TPRG1: variants seen among roughly 807,000 people sequenced by gnomAD.
The protein encoded by TPRG1 is tumor protein p63 regulated 1.
Under a neutral mutation model 29.3 loss-of-function variants are expected in TPRG1, and 29 were observed. The ratio of observed to expected loss-of-function variants is 0.99; its 90% CI spans 0.74 to 1.35. The LOEUF (loss-of-function observed/expected upper bound fraction) is 1.35, where lower values mean the gene tolerates loss of function less well. Among genes scored for constraint, TPRG1 ranks in the 40% most tolerant of loss-of-function variants. The pLI, the probability that TPRG1 is intolerant of heterozygous loss-of-function variation, is 0.00. For synonymous variants in TPRG1, 130 were observed against 116.8 expected, an observed-to-expected ratio of 1.11 and a Z score of -0.73; for missense variants, 327 against 335.0, an observed-to-expected ratio of 0.98 and a Z score of 0.19.
chr3:189,204,943 T>TCACACACACA (rs1203053094), intron 1 of TPRG1, among the ~76,000 whole-genome samples: 1 of 94,270 alleles, frequency 1.1e-5, no homozygotes, highest in Non-Finnish European at 2.3e-5. Flanking sequence ...TCTCTCTCTC[T>TCACACACACA]CTCTCACACA....
chr3:189,173,101 T>A (rs1201969392), intron 1 of TPRG1, among the ~76,000 whole-genome samples: 2 of 152,216 alleles, frequency 1.3e-5, no homozygotes, highest in Non-Finnish European at 2.9e-5. Flanking sequence ...GTTTACTTTT[T>A]AAGATGCTAA....
intron 4 of TPRG1, among the ~76,000 whole-genome samples, chr3:189,148,918 C>A (rs1192168791): frequency 1.3e-5 from 2 of 152,172 alleles, no homozygotes; most frequent in African/African-American, 4.8e-5. Flanking sequence ...CTGGAACATG[C>A]GGATGCCTTT....
intron 1 of TPRG1, among the ~76,000 whole-genome samples, chr3:189,113,904 A>G (rs1720860449): frequency 2.1e-5 from 3 of 144,668 alleles, no homozygotes. Context: ...TGTACCCTAA[A>G]ACTTAAAGTA....
chr3:189,055,986 C>T (rs1046626627), intron 4 of TPRG1, among the ~76,000 whole-genome samples: 3 of 151,882 alleles, frequency 2.0e-5, no homozygotes, highest in Non-Finnish European at 2.9e-5. Flanking sequence ...TTCAATGTCA[C>T]CTCTTGTATG....
At chr3:189,298,961 G>T (rs1720387201) in intron 4 of TPRG1, among the ~76,000 whole-genome samples, 1 of 152,002 alleles carries the variant, frequency 6.6e-6, no homozygotes, top group South Asian at 2.1e-4. Flanking sequence ...CTAGAAGTTT[G>T]TGTTAACTGG....
Position 189,226,978 on chromosome 3 carries a change from G to A in TPRG1, c.302+11595G>A, listed in dbSNP as rs186550514. 4.2e-3 allele frequency among the ~76,000 whole-genome samples: 637 copies of A among 151,512 alleles called. 5 individuals are homozygous for A. Among genetic ancestry groups the A allele is most frequent in the Non-Finnish European group, 5.7e-3 (387 of 67,890 alleles). On this transcript the variant is annotated intron_variant, in intron 3 of 5. Transcript: ENST00000345063. ...AACTCAGATGAAACAAACCAATTTC[G>A]CAAAACACACAAACTATTGCTACTC...
At chr3:189,242,292 G>T (rs962610366) in intron 4 of TPRG1, among the ~76,000 whole-genome samples, 6 of 151,864 alleles carry the variant, frequency 4.0e-5, no homozygotes, top group African/African-American at 1.2e-4. Context: ...GCTCAAAATG[G>T]TTTTAATTAT....
intron 4 of TPRG1, among the ~76,000 whole-genome samples, chr3:189,075,434 T>C (rs1717105366): frequency 6.6e-6 from 1 of 152,180 alleles, no homozygotes; most frequent in Non-Finnish European, 1.5e-5. Context: ...CTGCACCTGG[T>C]GCATGCTCTG....
chr3:189,226,921 A>T (rs1578917728), intron 3 of TPRG1, among the ~76,000 whole-genome samples: 1 of 152,070 alleles, frequency 6.6e-6, no homozygotes, highest in East Asian at 1.9e-4. Context: ...ATAAGGGATT[A>T]TAGCTAACAA....
At chr3:189,226,945 A>G (rs1303428559) in intron 3 of TPRG1, among the ~76,000 whole-genome samples, 4 of 152,032 alleles carry the variant, frequency 2.6e-5, no homozygotes, top group African/African-American at 9.7e-5. Flanking sequence ...TACACATATC[A>G]ATTTGACAAC....
At chr3:189,059,591 T>TA (rs1005444017) in intron 4 of TPRG1, among the ~76,000 whole-genome samples, 2 of 146,610 alleles carry the variant, frequency 1.4e-5, no homozygotes, top group African/African-American at 5.0e-5. Flanking sequence ...GACTCCATCT[T>TA]AAAAAAACAA....
chr3:189,287,542 C>T (rs1010120040), intron 4 of TPRG1, among the ~76,000 whole-genome samples: 5 of 151,848 alleles, frequency 3.3e-5, no homozygotes, highest in Admixed American at 2.0e-4. Context: ...GGACTACAGG[C>T]GCCCACCACC....
At chr3:189,246,428 G>A (rs1172695327) in intron 4 of TPRG1, among the ~76,000 whole-genome samples, 2 of 152,074 alleles carry the variant, frequency 1.3e-5, no homozygotes, top group Admixed American at 6.6e-5. Flanking sequence ...TGTATTTAAA[G>A]TGTGTTTGTT....
chr3:189,040,537 G>A (rs971875047), intron 4 of TPRG1, among the ~76,000 whole-genome samples: 2 of 151,920 alleles, frequency 1.3e-5, no homozygotes, highest in African/African-American at 4.8e-5. Flanking sequence ...GCTTCCTGCT[G>A]TGGCTAAGGC....
chr3:189,304,495 C>T (rs1721321689), intron 4 of TPRG1, among the ~76,000 whole-genome samples: 1 of 152,144 alleles, frequency 6.6e-6, no homozygotes, highest in Admixed American at 6.6e-5. Flanking sequence ...GAGCTAAAGG[C>T]CCTGGAAACT....
chr3:189,246,230 C>T (rs56084128), intron 4 of TPRG1, among the ~76,000 whole-genome samples: 18,662 of 152,158 alleles, frequency 0.12, 1,179 homozygotes, highest in Middle Eastern at 0.16. Flanking sequence ...TGTAAGACGT[C>T]CCTTTGCTCC....
intron 4 of TPRG1, among the ~76,000 whole-genome samples, chr3:189,285,614 A>G (rs1717927318): frequency 1.3e-5 from 2 of 152,202 alleles, no homozygotes; most frequent in Admixed American, 1.3e-4. Flanking sequence ...ATCACAGAGC[A>G]CTTTCTTCAT....
rs1277889777 is a variant in TPRG1 at position 189,322,777 on chromosome 3, A to G, written c.*1957A>G. ...CTGTTCCCAAATGACCTTCTAAAGG[A>G]CACAGTGCACCATCATCAATGGAAA... On this transcript the variant is annotated 3_prime_UTR_variant, in exon 6 of 6. Coordinates refer to ENST00000345063, the MANE Select transcript of TPRG1 (RefSeq NM_198485.4). The G allele has an allele frequency of 1.3e-5, 2 of 152,192 alleles. No homozygotes were observed. Among genetic ancestry groups the G allele is most frequent in the African/African-American group, 2.4e-5 (1 of 41,434 alleles). 9.4% of individuals were successfully genotyped at this position (152,192 alleles called of 1,614,324 possible).
At chr3:189,176,359 T>G (rs752765798) in intron 1 of TPRG1, among the ~76,000 whole-genome samples, 77 of 152,346 alleles carry the variant, frequency 5.1e-4, no homozygotes, top group Admixed American at 2.6e-4. Context: ...TCAAGTGTCA[T>G]TCATTGAAAG....
Sources: allele counts gnomAD v4.1 joint callset (sites outside exome capture counted in the v4.1 genomes callset), GRCh38; gene constraint gnomAD v4.1.1; transcripts MANE v1.5; gene names NCBI Gene and HGNC (gene_info 2026-07-23, HGNC 2026-07-21).